Variants in CLSTN2 observed in about 807,000 individuals in gnomAD.
The protein encoded by CLSTN2 is calsyntenin 2.
CLSTN2 carries 48 observed loss-of-function variants against 101.2 expected under a neutral mutation model. That is an observed-to-expected ratio of 0.47 (90% CI 0.38 to 0.60). CLSTN2 has a LOEUF of 0.60. CLSTN2 is among the 20% of genes least tolerant of loss of function. The pLI is 0.00. For synonymous variants in CLSTN2, 481 were observed against 463.6 expected, an observed-to-expected ratio of 1.04 and a Z score of -0.48; for missense variants, 1,160 against 1,238.2, an observed-to-expected ratio of 0.94 and a Z score of 0.95.
intron 1 of CLSTN2, among the ~76,000 whole-genome samples, chr3:140,137,204 G>A (rs2009628278): frequency 6.6e-6 from 1 of 152,002 alleles, no homozygotes; most frequent in South Asian, 2.1e-4. Context: ...CCCCAGAAGG[G>A]CTCAGGATCC....
chr3:140,039,720 C>T (rs538309899), intron 1 of CLSTN2, among the ~76,000 whole-genome samples: 2 of 152,204 alleles, frequency 1.3e-5, no homozygotes, highest in South Asian at 2.1e-4. Flanking sequence ...ATTCTAGGCT[C>T]TGGAGAATGT....
At chr3:139,983,769 G>A (rs1157963236) in intron 1 of CLSTN2, among the ~76,000 whole-genome samples, 1 of 152,018 alleles carries the variant, frequency 6.6e-6, no homozygotes, top group African/African-American at 2.4e-5. Context: ...TTATTTAGGA[G>A]ATATTGTATA....
At chr3:140,292,041 C>T (rs1046489017) in intron 2 of CLSTN2, among the ~76,000 whole-genome samples, 3 of 152,120 alleles carry the variant, frequency 2.0e-5, no homozygotes, top group African/African-American at 7.2e-5. Context: ...TCTAGATCAT[C>T]TTTCTCCCCT....
intron 2 of CLSTN2, among the ~76,000 whole-genome samples, chr3:140,322,498 A>G (rs2087293425): frequency 1.3e-5 from 2 of 152,258 alleles, no homozygotes; most frequent in Admixed American, 6.5e-5. Context: ...GATTGTAGAC[A>G]GAGGAGGAAC....
In CLSTN2 at chr3:140,575,548, T is replaced by C. The variant is rs1447287684; in HGVS notation, c.*9295T>C. 1.3e-5 allele frequency: 2 copies of C among 152,218 alleles called. No individual in the cohort carries two copies. The highest frequency in any genetic ancestry group is 2.4e-5 in the African/African-American group (1 of 41,460). The allele number at this position is 152,218 out of a possible 1,614,324, so 9.4% of individuals were successfully genotyped here. Reference sequence around the variant, plus strand: ...GGTGGTTTCCATAAAGGGTTGTTGATGTCCTGAGCTGGACAGGGTGGGCAG... The same window carrying C: ...GGTGGTTTCCATAAAGGGTTGTTGACGTCCTGAGCTGGACAGGGTGGGCAG... On this transcript the variant is annotated 3_prime_UTR_variant, in exon 17 of 17. Transcript: ENST00000458420.
At position 140,479,008 on chromosome 3, in the gene CLSTN2, G is replaced by A. The variant is rs151205282; in HGVS notation, c.1344+12277G>A. ...TAATACCAATAAGAATGGAGATGCA[G>A]GAAAGGAGGTCAAAATCTGATCATA... On this transcript the variant is annotated intron_variant, in intron 8 of 16. Transcript: ENST00000458420. Among the ~76,000 whole-genome samples, 23 of 152,214 alleles carry A rather than the reference G, an allele frequency of 1.5e-4. No homozygotes were observed. The East Asian group carries it at 4.4e-3, about 29-fold the overall frequency.
chr3:139,995,982 C>A (rs2006644010), intron 1 of CLSTN2, among the ~76,000 whole-genome samples: 1 of 152,132 alleles, frequency 6.6e-6, no homozygotes, highest in South Asian at 2.1e-4. Flanking sequence ...CACTTGTGAA[C>A]CTATAGCTCA....
intron 2 of CLSTN2, among the ~76,000 whole-genome samples, chr3:140,329,244 C>T (rs1258776866): frequency 6.6e-6 from 1 of 152,170 alleles, no homozygotes; most frequent in East Asian, 1.9e-4. Flanking sequence ...AAAAAGTTAG[C>T]TGGGCATGGT....
chr3:140,355,052 G>A (rs2087653863), intron 2 of CLSTN2, among the ~76,000 whole-genome samples: 1 of 152,162 alleles, frequency 6.6e-6, no homozygotes, highest in Non-Finnish European at 1.5e-5. Context: ...AGACTTAGTT[G>A]GTAGGGGAAG....
chr3:139,970,208 A>G (rs1014340061), intron 1 of CLSTN2, among the ~76,000 whole-genome samples: 1 of 152,174 alleles, frequency 6.6e-6, no homozygotes, highest in African/African-American at 2.4e-5. Context: ...GCAAAGTTTG[A>G]GAGCCACTTG....
chr3:140,122,763 T>G (rs1323661734), intron 1 of CLSTN2, among the ~76,000 whole-genome samples: 1 of 152,184 alleles, frequency 6.6e-6, no homozygotes, highest in Non-Finnish European at 1.5e-5. Flanking sequence ...GCAAACTTGA[T>G]CTGTAAAGGG....
chr3:140,466,619 G>A lies in CLSTN2; in HGVS notation c.1232G>A (p.Arg411Gln), dbSNP rs774150415. Residue 411 changes from arginine (R) to glutamine (Q), a missense_variant, in exon 8 of 17, where the codon CGG becomes CAG. Physicochemically the swap from Arg to Gln is conservative, Grantham distance 43. Transcript: ENST00000458420. ...LCNSDKTEMN[R>Q]HHYALYVHNC... ...TCTTTCTGCTTTTCAGAAATGAACC[G>A]GCATCACTATGCCCTGTATGTGCAC... 5.6e-6 allele frequency: 9 copies of A among 1,614,024 alleles called. No homozygotes were observed. Among genetic ancestry groups the A allele is most frequent in the Non-Finnish European group, 7.6e-6 (9 of 1,179,988 alleles).
chr3:140,183,317 T>A (rs1375624775), intron 2 of CLSTN2, among the ~76,000 whole-genome samples: 1 of 152,154 alleles, frequency 6.6e-6, no homozygotes, highest in Non-Finnish European at 1.5e-5. Flanking sequence ...AGGAAGGATT[T>A]CCTGGGATGT....
chr3:140,181,497 G>A (rs902000761), intron 2 of CLSTN2, among the ~76,000 whole-genome samples: 1 of 152,136 alleles, frequency 6.6e-6, no homozygotes, highest in Non-Finnish European at 1.5e-5. Flanking sequence ...TACTGTCAAG[G>A]TATGTTGCCT....
At chr3:140,073,290 T>C (rs1205304110) in intron 1 of CLSTN2, among the ~76,000 whole-genome samples, 1 of 152,154 alleles carries the variant, frequency 6.6e-6, no homozygotes, top group Non-Finnish European at 1.5e-5. Flanking sequence ...TTATCCCAAC[T>C]CCAAAAACAC....
chr3:140,171,421 G>A (rs2010211042), intron 1 of CLSTN2, among the ~76,000 whole-genome samples: 1 of 151,562 alleles, frequency 6.6e-6, no homozygotes, highest in Non-Finnish European at 1.5e-5. Flanking sequence ...GTGAGAAGGA[G>A]CAAAATGGTG....
At chr3:140,236,870 A>C (rs1344268255) in intron 2 of CLSTN2, among the ~76,000 whole-genome samples, 1 of 91,032 alleles carries the variant, frequency 1.1e-5, no homozygotes, top group Non-Finnish European at 2.4e-5. Flanking sequence ...TGTGTATATA[A>C]ATTTCACTGT....
chr3:140,309,614 T>C (rs1455942234), intron 2 of CLSTN2, among the ~76,000 whole-genome samples: 2 of 152,050 alleles, frequency 1.3e-5, no homozygotes, highest in African/African-American at 4.8e-5. Flanking sequence ...GCAGACCTGC[T>C]GGGCACAGCA....
At chr3:140,412,364 A>C (rs1177578731) in intron 4 of CLSTN2, among the ~76,000 whole-genome samples, 1 of 152,168 alleles carries the variant, frequency 6.6e-6, no homozygotes, top group Non-Finnish European at 1.5e-5. Context: ...CATGAGTTCT[A>C]GGAGGTCACA....
Sources: gnomAD v4.1 joint callset for allele counts (sites outside exome capture counted in the v4.1 genomes callset) on GRCh38, gnomAD v4.1.1 for gene constraint, MANE v1.5 for transcripts, NCBI Gene and HGNC (gene_info 2026-07-23, HGNC 2026-07-21) for gene names.